The following PCDHGA8 variants were observed in gnomAD, a reference collection of about 807,000 sequenced individuals.
PCDHGA8 encodes the protein protocadherin gamma-A8.
A neutral mutation model predicts 59.2 loss-of-function variants in PCDHGA8; 45 were observed. That is an observed-to-expected ratio of 0.76 (90% CI 0.60 to 0.98). The LOEUF is 0.98. Among genes scored for constraint, PCDHGA8 ranks in the 50% least tolerant of loss-of-function variants. PCDHGA8 has a pLI of 0.00. For synonymous variants in PCDHGA8, 531 were observed against 519.0 expected (o/e 1.02, Z -0.32); for missense variants, 1,257 against 1,196.2 (o/e 1.05, Z -0.75).
At chr5:141,498,011 G>A (rs995865984) in intron 2 of PCDHGA8, among the ~76,000 whole-genome samples, 2 of 152,204 alleles carry the variant, frequency 1.3e-5, no homozygotes, top group Non-Finnish European at 2.9e-5. Flanking sequence ...ACAGTGCACT[G>A]AAGGAGACAA....
In PCDHGA8 at chr5:141,399,480, G is replaced by T. The variant is rs760135566; in HGVS notation, c.2424+4243G>T. ...ATAACGCTCCGGTTTTCCACCAGGC[G>T]TCCTACTTAGTCAGTGTACCCGAAA... On this transcript the variant is annotated intron_variant, in intron 1 of 3. Coordinates refer to ENST00000398604, the MANE Select transcript of PCDHGA8 (RefSeq NM_032088.2). The T allele has an allele frequency of 1.9e-5, 31 of 1,613,886 alleles. No homozygotes were observed. In the South Asian group the frequency reaches 3.2e-4, roughly 17 times the overall value.
chr5:141,399,527 T>A (rs781680585), intron 1 of PCDHGA8: 2 of 1,614,016 alleles, frequency 1.2e-6, no homozygotes, highest in East Asian at 2.2e-5. Context: ...GGGGCCTCCA[T>A]CGCGCAAGTC....
chr5:141,462,375 T>G (rs2099038282), intron 1 of PCDHGA8, among the ~76,000 whole-genome samples: 1 of 152,252 alleles, frequency 6.6e-6, no homozygotes, highest in Non-Finnish European at 1.5e-5. Context: ...TTCTATTCTT[T>G]TAAATTCGTT....
At chr5:141,415,702 GC>G (rs754496290) in intron 1 of PCDHGA8, 1 of 1,403,056 alleles carries the variant, frequency 7.1e-7, no homozygotes, top group South Asian at 1.3e-5. Context: ...AAGTGTAAAT[GC>G]TAAAACACTG....
At chr5:141,423,183 G>GCCCCCTCTCTCGGCCAC (rs760086052) in intron 1 of PCDHGA8, 8 of 1,613,570 alleles carry the variant, frequency 5.0e-6, no homozygotes, top group Non-Finnish European at 6.8e-6. Context: ...ACCACGGCCA[G>GCCCCCTCTCTCGGCCAC]CCCCCTCTCT....
chr5:141,399,412 T>C (rs1473017519), intron 1 of PCDHGA8: 3 of 1,613,948 alleles, frequency 1.9e-6, no homozygotes, highest in East Asian at 4.5e-5. Context: ...GCCGCCCCTC[T>C]CCTCCAGCAT....
At position 141,486,996 on chromosome 5, in the gene PCDHGA8, A is replaced by G; in HGVS notation, c.2425-7811A>G. ...TCAGGTTACAATGCTTGGGTTTCCT[A>G]TCAGCTCCTGGAGGCCCCAGATCCC... On this transcript the variant is annotated intron_variant, in intron 1 of 3. Coordinates refer to ENST00000398604, the MANE Select transcript of PCDHGA8 (RefSeq NM_032088.2). This position sits in a 1 kb window ranked among gnomAD's most constrained non-coding sequence, Gnocchi z 5.0. 6.2e-7 allele frequency: 1 copy of G among 1,614,152 alleles called. No individual in the cohort carries two copies. Among genetic ancestry groups the G allele is most frequent in the Non-Finnish European group, 8.5e-7 (1 of 1,180,032 alleles).
At chr5:141,435,863 C>T (rs772361494) in intron 1 of PCDHGA8, among the ~76,000 whole-genome samples, 16 of 151,882 alleles carry the variant, frequency 1.1e-4, no homozygotes, top group Non-Finnish European at 2.2e-4. Context: ...TAGTTAAAAC[C>T]CAGAAAAGAG....
At chr5:141,510,519 C>A (rs182721864) in intron 3 of PCDHGA8, among the ~76,000 whole-genome samples, 1 of 152,260 alleles carries the variant, frequency 6.6e-6, no homozygotes, top group East Asian at 1.9e-4. Context: ...CGTGTCACAG[C>A]CCTGAGAGAA....
intron 1 of PCDHGA8, among the ~76,000 whole-genome samples, chr5:141,454,796 ATTTTTTTTTTT>A (rs61612330): frequency 0.01 from 775 of 77,498 alleles, 10 homozygotes; most frequent in African/African-American, 0.043. Context: ...CATGGTTCTA[ATTTTTTTTTTT>A]TTTTTTTTTT....
chr5:141,431,296 C>T lies in PCDHGA8; in HGVS notation c.2424+36059C>T, dbSNP rs2097358592. On this transcript the variant is annotated intron_variant, in intron 1 of 3. Transcript: ENST00000398604. The surrounding 1 kb of genome is among the most constrained non-coding windows in gnomAD (Gnocchi z 4.8). ...AGCTCAGCCCGAACACTCACTTCTC[C>T]CTCATCGTGCAAAATGGAGCCGACG... The T allele has an allele frequency of 1.9e-6, 3 of 1,614,018 alleles. No individual in the cohort carries two copies. Among genetic ancestry groups the T allele is most frequent in the Non-Finnish European group, 2.5e-6 (3 of 1,180,048 alleles).
intron 1 of PCDHGA8, chr5:141,415,740 G>GTTTTTTGT (rs2095911797): frequency 1.9e-6 from 1 of 515,998 alleles, no homozygotes; most frequent in East Asian, 8.3e-5. Flanking sequence ...GTTTATTAAG[G>GTTTTTTGT]TTTTTTTTTT....
Position 141,485,804 on chromosome 5 carries a change from G to A in PCDHGA8, c.2425-9003G>A. 6.2e-7 allele frequency: 1 copy of A among 1,614,218 alleles called. No individual in the cohort carries two copies. On this transcript the variant is annotated intron_variant, in intron 1 of 3. Coordinates refer to ENST00000398604, the MANE Select transcript of PCDHGA8 (RefSeq NM_032088.2). This position sits in a 1 kb window ranked among gnomAD's most constrained non-coding sequence, Gnocchi z 5.7. The stretch of plus-strand genomic sequence containing the variant: ...AGAGAAGCAATCGGACTACCGCCTG[G>A]TGCTGACTGCTGTCGATGGAGGGAA...
chr5:141,497,131 A>G (rs1269110126), intron 2 of PCDHGA8, among the ~76,000 whole-genome samples: 3 of 152,122 alleles, frequency 2.0e-5, no homozygotes, highest in Admixed American at 6.6e-5. Flanking sequence ...GGTTGCAGTG[A>G]GCTGAGATCA....
Position 141,491,739 on chromosome 5 carries a change from C to T in PCDHGA8, c.2425-3068C>T. ...CGCCGCCCCGGGCGACCCCTGGGGG[C>T]GGCACTGGAGAAGCCGCCCGTCCTC... On this transcript the variant is annotated intron_variant, in intron 1 of 3. Transcript: ENST00000398604. This position sits in a 1 kb window ranked among gnomAD's most constrained non-coding sequence, Gnocchi z 6.9. The T allele has an allele frequency of 1.3e-6, 2 of 1,599,004 alleles. No individual in the cohort carries two copies. Among genetic ancestry groups the T allele is most frequent in the East Asian group, 2.3e-5 (1 of 44,194 alleles).
intron 1 of PCDHGA8, among the ~76,000 whole-genome samples, chr5:141,453,065 G>A (rs1308047230): frequency 3.3e-5 from 5 of 151,960 alleles, no homozygotes; most frequent in African/African-American, 1.2e-4. Flanking sequence ...TTAGAGTTTT[G>A]CCACACTCTG....
chr5:141,454,081 T>C (rs1009599234), intron 1 of PCDHGA8, among the ~76,000 whole-genome samples: 2 of 152,198 alleles, frequency 1.3e-5, no homozygotes, highest in African/African-American at 4.8e-5. Flanking sequence ...ATGTTTTCAG[T>C]GAAATTTGAA....
At chr5:141,412,163 T>G (rs1005929326) in intron 1 of PCDHGA8, 13 of 152,240 alleles carry the variant, frequency 8.5e-5, no homozygotes, top group African/African-American at 2.9e-4. Flanking sequence ...GAGAAGAGAT[T>G]ATTTATACTG....
chr5:141,394,463 G>A lies in PCDHGA8; in HGVS notation c.1650G>A (p.Leu550=), dbSNP rs1244366845. 2 of 1,614,248 alleles carry A rather than the reference G, an allele frequency of 1.2e-6. No individual in the cohort carries two copies. Among genetic ancestry groups the A allele is most frequent in the South Asian group, 2.2e-5 (2 of 91,084 alleles). The change falls in exon 1 of 4, where the codon CTG becomes CTA. Residue 550 remains leucine (L), a synonymous_variant. Transcript: ENST00000398604. ...PPLSSNMSLS[L]FVLDQNDNAP... ...TCAGCAGCAACATGTCACTGAGCCT[G>A]TTCGTGCTGGACCAGAATGACAACG...
Sources: gnomAD v4.1 joint callset for allele counts (sites outside exome capture counted in the v4.1 genomes callset) on GRCh38, gnomAD v4.1.1 for gene constraint, Gnocchi (gnomAD v3.1) non-coding constraint, MANE v1.5 for transcripts, NCBI Gene and HGNC (gene_info 2026-07-23, HGNC 2026-07-21) for gene names.